Variants in ELOVL6 observed in about 807,000 individuals in gnomAD.
ELOVL6 encodes very long chain fatty acid elongase 6.
A neutral mutation model predicts 31.7 loss-of-function variants in ELOVL6; 8 were observed. That is an observed-to-expected ratio of 0.25 (90% CI 0.15 to 0.45). ELOVL6 has a LOEUF of 0.45. ELOVL6 is among the 20% of genes least tolerant of loss of function. The probability of loss-of-function intolerance (pLI) is 1.00; values close to 1 mark genes in which losing one functional copy is unlikely to be tolerated. For missense variants in ELOVL6, 126 were observed against 326.4 expected, an observed-to-expected ratio of 0.39 and a Z score of 4.73; for synonymous variants, 101 against 117.7, an observed-to-expected ratio of 0.86 and a Z score of 0.92.
At chr4:110,134,515 G>T (rs185829792) in intron 1 of ELOVL6, among the ~76,000 whole-genome samples, 1 of 152,286 alleles carries the variant, frequency 6.6e-6, no homozygotes, top group East Asian at 1.9e-4. Context: ...AGAACACAAG[G>T]CCTCTGGGGG....
At chr4:110,110,932 C>T (rs1187129293) in intron 1 of ELOVL6, among the ~76,000 whole-genome samples, 1 of 152,120 alleles carries the variant, frequency 6.6e-6, no homozygotes, top group African/African-American at 2.4e-5. Context: ...AGCACTTTAC[C>T]TTTTTGCTTC....
intron 1 of ELOVL6, among the ~76,000 whole-genome samples, chr4:110,192,192 GA>G (rs34396636): frequency 0.45 from 46,789 of 103,956 alleles, 7,658 homozygotes; most frequent in Middle Eastern, 0.55. Context: ...CTCCATCCAA[GA>G]AAAAAAAAAA....
intron 1 of ELOVL6, among the ~76,000 whole-genome samples, chr4:110,196,416 C>A (rs1759785976): frequency 6.6e-6 from 1 of 152,204 alleles, no homozygotes. Flanking sequence ...CCGCCGGCTC[C>A]GGCCACCGCC....
intron 2 of ELOVL6, among the ~76,000 whole-genome samples, chr4:110,097,857 G>A (rs1166415371): frequency 1.3e-5 from 2 of 151,750 alleles, no homozygotes; most frequent in African/African-American, 4.8e-5. Context: ...AATAGGAGAA[G>A]CTGTAATTTA....
intron 3 of ELOVL6, among the ~76,000 whole-genome samples, chr4:110,058,597 T>C (rs1005695341): frequency 2.0e-5 from 3 of 152,146 alleles, no homozygotes; most frequent in Non-Finnish European, 2.9e-5. Context: ...TCATAGCTTA[T>C]ATTGCAGGTG....
In ELOVL6 at chr4:110,123,267, T is replaced by C. The variant is rs146023511; in HGVS notation, c.90-17639A>G. ...TTATTTTAAATCTAAACAGTAAAAA[T>C]TGTATTTTCTTATAGCTCTTTTCCC... On this transcript the variant is annotated intron_variant, in intron 1 of 3. Transcript: ENST00000302274. 7.4e-4 allele frequency among the ~76,000 whole-genome samples: 113 copies of C among 152,298 alleles called. 1 individual carries two copies. In the East Asian group the frequency reaches 0.021, roughly 28 times the overall value.
chr4:110,162,071 T>G (rs963904371), intron 1 of ELOVL6, among the ~76,000 whole-genome samples: 3 of 152,184 alleles, frequency 2.0e-5, no homozygotes, highest in Non-Finnish European at 4.4e-5. Context: ...TATAAAATAC[T>G]TTTTCACTGC....
rs540541299 is a variant in ELOVL6, at chr4:110,174,030, G to A, written c.89+24217C>T. ...ATATAAAAAAGCAAGATAAATATTCGTTGGATAGAAAAAATAGCATGACTT... is the reference window on the plus strand; with the variant it reads ...ATATAAAAAAGCAAGATAAATATTCATTGGATAGAAAAAATAGCATGACTT... On this transcript the variant is annotated intron_variant, in intron 1 of 3. Transcript: ENST00000302274. 1.1e-4 allele frequency among the ~76,000 whole-genome samples: 16 copies of A among 151,650 alleles called. 1 individual carries two copies. In the East Asian group the frequency reaches 2.5e-3, roughly 24 times the overall value.
At chr4:110,132,477 G>A (rs1418346724) in intron 1 of ELOVL6, among the ~76,000 whole-genome samples, 1 of 151,990 alleles carries the variant, frequency 6.6e-6, no homozygotes, top group Non-Finnish European at 1.5e-5. Flanking sequence ...CAAAAGAGAG[G>A]GTAAGGGATG....
chr4:110,139,766 C>T (rs1757903147), intron 1 of ELOVL6, among the ~76,000 whole-genome samples: 1 of 152,132 alleles, frequency 6.6e-6, no homozygotes, highest in Non-Finnish European at 1.5e-5. Context: ...CAGGTACCAC[C>T]CTCTAACATA....
intron 2 of ELOVL6, among the ~76,000 whole-genome samples, chr4:110,077,934 T>A (rs1311569995): frequency 3.9e-5 from 6 of 152,054 alleles, no homozygotes; most frequent in Non-Finnish European, 7.4e-5. Context: ...GAGAACTACG[T>A]GATGAATGCA....
intron 1 of ELOVL6, among the ~76,000 whole-genome samples, chr4:110,134,681 C>T (rs1449699698): frequency 2.6e-5 from 4 of 152,120 alleles, no homozygotes; most frequent in Non-Finnish European, 5.9e-5. Context: ...ATGATGTGAA[C>T]TGGGTGTGGT....
Position 110,050,221 on chromosome 4 carries a change from G to A in ELOVL6, c.*1117C>T, listed in dbSNP as rs976316984. ...TTCCCCCAATATTTCGAACAGCCCTGTGATTTCCTTTTGGAATTCACAAAA... is the reference window on the plus strand; with the variant it reads ...TTCCCCCAATATTTCGAACAGCCCTATGATTTCCTTTTGGAATTCACAAAA... On this transcript the variant is annotated 3_prime_UTR_variant, in exon 4 of 4. Coordinates refer to ENST00000302274, the MANE Select transcript of ELOVL6 (RefSeq NM_024090.3). 2.0e-5 allele frequency: 3 copies of A among 152,588 alleles called. No homozygotes were observed. The highest frequency in any genetic ancestry group is 4.8e-5 in the African/African-American group (2 of 41,412). 9.5% of individuals were successfully genotyped at this position (152,588 alleles called of 1,614,324 possible). A position where few individuals can be genotyped will look rare whatever the true frequency, so the allele number is the denominator to read the frequency against.
intron 1 of ELOVL6, among the ~76,000 whole-genome samples, chr4:110,161,162 G>A (rs1758619900): frequency 6.6e-6 from 1 of 152,042 alleles, no homozygotes; most frequent in African/African-American, 2.4e-5. Flanking sequence ...CCCATGTAAT[G>A]GATTATATAC....
rs1392704250 is a variant in ELOVL6 at position 110,051,786 on chromosome 4, T to C, written c.374-24A>G. On this transcript the variant is annotated intron_variant, in intron 3 of 3. Coordinates refer to ENST00000302274, the MANE Select transcript of ELOVL6 (RefSeq NM_024090.3). The surrounding 1 kb of genome is among the most constrained non-coding windows in gnomAD (Gnocchi z 4.8). ...TCCTGGAAGACAAAGAGGAAGAAGG[T>C]ACGTGAGATCCTTGACCACCAGTAA... 1 of 1,596,500 alleles carries C rather than the reference T, an allele frequency of 6.3e-7. No individual in the cohort carries two copies. Among genetic ancestry groups the C allele is most frequent in the Non-Finnish European group, 8.5e-7 (1 of 1,169,876 alleles).
rs532228006 is a variant in ELOVL6, at chr4:110,127,926, G to C, written c.90-22298C>G. ...GCAGGGGACTAAAAATAAGGAAACA[G>C]GCTGGGCACAGTGGCTTACACCTGT... On this transcript the variant is annotated intron_variant, in intron 1 of 3. Transcript: ENST00000302274. Among the ~76,000 whole-genome samples the C allele has an allele frequency of 3.9e-5, 6 of 152,104 alleles. No individual in the cohort carries two copies. In the East Asian group the frequency reaches 5.8e-4, roughly 15 times the overall value.
chr4:110,138,949 A>G (rs914090651), intron 1 of ELOVL6, among the ~76,000 whole-genome samples: 6 of 152,188 alleles, frequency 3.9e-5, no homozygotes, highest in Admixed American at 2.0e-4. Context: ...ATTATTATAT[A>G]TAATTTTAGG....
intron 1 of ELOVL6, among the ~76,000 whole-genome samples, chr4:110,158,836 T>G (rs537972973): frequency 3.0e-4 from 45 of 151,752 alleles, no homozygotes; most frequent in Non-Finnish European, 6.2e-4. Flanking sequence ...AATTTCTGTA[T>G]TTTTAGTAGA....
intron 1 of ELOVL6, among the ~76,000 whole-genome samples, chr4:110,156,101 A>T (rs1024516629): frequency 3.3e-5 from 5 of 152,248 alleles, no homozygotes; most frequent in African/African-American, 9.6e-5. Context: ...GAAAATAAGA[A>T]GGGGAAGACA....
Sources: gnomAD v4.1 joint callset for allele counts (sites outside exome capture counted in the v4.1 genomes callset) on GRCh38, gnomAD v4.1.1 for gene constraint, Gnocchi (gnomAD v3.1) non-coding constraint, MANE v1.5 for transcripts, NCBI Gene and HGNC (gene_info 2026-07-23, HGNC 2026-07-21) for gene names.